The following CNTN5 variants were observed in gnomAD, a reference collection of about 807,000 sequenced individuals.
CNTN5 encodes contactin 5.
Under a neutral mutation model 129.1 loss-of-function variants are expected in CNTN5, and 77 were observed. That is an observed-to-expected ratio of 0.60 (90% CI 0.50 to 0.72). The LOEUF is 0.72. Among genes scored for constraint, CNTN5 ranks in the 30% least tolerant of loss-of-function variants. CNTN5 has a pLI of 0.00. For synonymous variants in CNTN5, 509 were observed against 465.6 expected, an observed-to-expected ratio of 1.09 and a Z score of -1.20; for missense variants, 1,478 against 1,328.8, an observed-to-expected ratio of 1.11 and a Z score of -1.75.
intron 17 of CNTN5, among the ~76,000 whole-genome samples, chr11:100,268,360 T>G (rs545827925): frequency 7.2e-4 from 110 of 152,142 alleles, no homozygotes; most frequent in African/African-American, 1.9e-3. Flanking sequence ...AGAATAAAAA[T>G]TATGAAAATA....
intron 13 of CNTN5, among the ~76,000 whole-genome samples, chr11:100,076,908 G>T (rs1306421692): frequency 6.6e-6 from 1 of 152,024 alleles, no homozygotes; most frequent in East Asian, 1.9e-4. Flanking sequence ...GAAAAATGTA[G>T]TTCACTACAA....
chr11:99,704,913 G>A (rs1405430129), intron 3 of CNTN5, among the ~76,000 whole-genome samples: 1 of 151,148 alleles, frequency 6.6e-6, no homozygotes, highest in African/African-American at 2.4e-5. Flanking sequence ...TATGTTGCCC[G>A]GGAATTCTTC....
chr11:99,483,174 CAAAAAAAAAAA>C (rs34200342), intron 2 of CNTN5, among the ~76,000 whole-genome samples: 2 of 59,542 alleles, frequency 3.4e-5, no homozygotes, highest in African/African-American at 1.5e-4. Context: ...GACTCCTTCT[CAAAAAAAAAAA>C]AAAAAAAAAA....
intron 3 of CNTN5, among the ~76,000 whole-genome samples, chr11:99,630,231 TG>T (rs1205620924): frequency 9.1e-5 from 3 of 33,114 alleles, no homozygotes; most frequent in African/African-American, 2.1e-4. Flanking sequence ...TGCTTATGGA[TG>T]TGTGTGTGTA....
intron 3 of CNTN5, among the ~76,000 whole-genome samples, chr11:99,664,437 C>G (rs1042479555): frequency 6.6e-6 from 1 of 152,024 alleles, no homozygotes; most frequent in Non-Finnish European, 1.5e-5. Context: ...CAGAAAAGGC[C>G]GTGCTTTAGG....
chr11:100,174,831 G>C (rs75813618), intron 13 of CNTN5, among the ~76,000 whole-genome samples: 4,680 of 152,086 alleles, frequency 0.031, 238 homozygotes, highest in African/African-American at 0.11. Context: ...CAGGGGTGGT[G>C]GCTCATTAAT....
In CNTN5 at chr11:100,290,874, T is replaced by A. The variant is rs1244050869; in HGVS notation, c.2315-6751T>A. Among the ~76,000 whole-genome samples, 214 of 151,176 alleles carry A rather than the reference T, an allele frequency of 1.4e-3. 1 individual carries two copies. Among genetic ancestry groups the A allele is most frequent in the African/African-American group, 5.0e-3 (207 of 41,388 alleles). ...ACCTACTCATCTGACAAAGGGCTAA[T>A]ATCCAGAATCTACAATGAACTCAAA... On this transcript the variant is annotated intron_variant, in intron 18 of 24. Coordinates refer to ENST00000524871, the MANE Select transcript of CNTN5 (RefSeq NM_014361.4).
chr11:100,047,261 C>T (rs1942729871), intron 9 of CNTN5, among the ~76,000 whole-genome samples: 1 of 34,280 alleles, frequency 2.9e-5, no homozygotes, highest in Non-Finnish European at 5.3e-5. Context: ...CTTTGAACAC[C>T]ATGGTTCACT....
At chr11:100,160,204 G>C (rs1272182564) in intron 13 of CNTN5, among the ~76,000 whole-genome samples, 2 of 151,856 alleles carry the variant, frequency 1.3e-5, no homozygotes, top group African/African-American at 4.8e-5. Flanking sequence ...TGTTTGCTGA[G>C]AATGATGGTT....
chr11:99,555,650 T>C (rs1461060962), intron 2 of CNTN5, among the ~76,000 whole-genome samples: 2 of 151,888 alleles, frequency 1.3e-5, no homozygotes, highest in Non-Finnish European at 2.9e-5. Context: ...ACAAAGGAAG[T>C]TGACATTAAT....
chr11:99,456,170 G>A (rs927791143), intron 2 of CNTN5, among the ~76,000 whole-genome samples: 6 of 151,640 alleles, frequency 4.0e-5, no homozygotes, highest in Non-Finnish European at 7.4e-5. Flanking sequence ...TGAAATAATT[G>A]CATTAAATTG....
intron 21 of CNTN5, among the ~76,000 whole-genome samples, chr11:100,325,978 T>C (rs1289714911): frequency 6.6e-6 from 1 of 152,208 alleles, no homozygotes; most frequent in East Asian, 1.9e-4. Context: ...AAATTTTAAA[T>C]ATATAGTTCT....
chr11:99,376,751 C>T (rs1940208766), intron 2 of CNTN5, among the ~76,000 whole-genome samples: 1 of 152,048 alleles, frequency 6.6e-6, no homozygotes, highest in African/African-American at 2.4e-5. Context: ...AGATTGATGC[C>T]CTTATTCGAT....
intron 6 of CNTN5, among the ~76,000 whole-genome samples, chr11:99,849,338 T>G (rs926915404): frequency 6.6e-6 from 1 of 151,628 alleles, no homozygotes; most frequent in Non-Finnish European, 1.5e-5. Flanking sequence ...TTTTTGCAGA[T>G]TCAACATATA....
chr11:99,945,171 G>A (rs966517920), intron 7 of CNTN5, among the ~76,000 whole-genome samples: 1 of 152,056 alleles, frequency 6.6e-6, no homozygotes, highest in Non-Finnish European at 1.5e-5. Flanking sequence ...GCCATTTAAG[G>A]TCTGTTAGTA....
At chr11:100,263,252 T>C (rs769087212) in intron 17 of CNTN5, among the ~76,000 whole-genome samples, 19 of 152,136 alleles carry the variant, frequency 1.2e-4, no homozygotes, top group Admixed American at 2.0e-4. Flanking sequence ...TAAACTCTAA[T>C]GACCTCTATT....
intron 21 of CNTN5, among the ~76,000 whole-genome samples, chr11:100,334,982 TAAA>T (rs5794050): frequency 2.3e-4 from 31 of 135,748 alleles, no homozygotes; most frequent in Non-Finnish European, 2.7e-4. Flanking sequence ...ACTTGATAAG[TAAA>T]AAAAAAAAAA....
At chr11:99,091,783 G>A (rs1309768872) in intron 1 of CNTN5, among the ~76,000 whole-genome samples, 2 of 152,134 alleles carry the variant, frequency 1.3e-5, no homozygotes, top group Admixed American at 6.5e-5. Flanking sequence ...GTTTTTATGT[G>A]TTGGCCATTT....
intron 2 of CNTN5, among the ~76,000 whole-genome samples, chr11:99,402,151 C>A (rs1364034839): frequency 6.6e-6 from 1 of 152,166 alleles, no homozygotes; most frequent in Non-Finnish European, 1.5e-5. Context: ...TGTTCCAGAT[C>A]TTAGAAGAAA....
Sources: allele counts gnomAD v4.1 joint callset (sites outside exome capture counted in the v4.1 genomes callset), GRCh38; gene constraint gnomAD v4.1.1; transcripts MANE v1.5; gene names NCBI Gene and HGNC (gene_info 2026-07-23, HGNC 2026-07-21).